Variants in WWOX observed in about 807,000 individuals in gnomAD.
WWOX encodes the protein WW domain-containing oxidoreductase.
In WWOX, 69 loss-of-function variants were observed where a neutral mutation model predicts 46.2. That is an observed-to-expected ratio of 1.49 (90% confidence interval 1.23 to 1.82). WWOX has a LOEUF of 1.82. Ranked by LOEUF, WWOX falls within the 40% of genes most tolerant of loss-of-function variation. The probability of loss-of-function intolerance (pLI) is 0.00; values close to 1 mark genes in which losing one functional copy is unlikely to be tolerated. For synonymous variants in WWOX, 359 were observed against 202.6 expected (o/e 1.77, Z -6.56); for missense variants, 919 against 542.6 (o/e 1.69, Z -6.89).
chr16:79,057,605 T>A (rs1172695868), intron 8 of WWOX, among the ~76,000 whole-genome samples: 1 of 151,972 alleles, frequency 6.6e-6, no homozygotes, highest in Non-Finnish European at 1.5e-5. Flanking sequence ...CCAGTGTGAG[T>A]CCTTTGATCC....
At chr16:78,267,199 A>G (rs1021702227) in intron 5 of WWOX, 1 of 152,262 alleles carries the variant, frequency 6.6e-6, no homozygotes, top group Admixed American at 6.5e-5. Flanking sequence ...GTGAAAATGA[A>G]CTAATACACA....
chr16:78,152,042 T>C (rs1369199173), intron 4 of WWOX, among the ~76,000 whole-genome samples: 2 of 152,028 alleles, frequency 1.3e-5, no homozygotes, highest in African/African-American at 2.4e-5. Flanking sequence ...TACAAAAAAT[T>C]AGCCGGGTGT....
intron 8 of WWOX, among the ~76,000 whole-genome samples, chr16:78,810,391 A>G (rs991348603): frequency 6.6e-6 from 1 of 152,198 alleles, no homozygotes; most frequent in Admixed American, 6.5e-5. Context: ...ACTTGTTTTT[A>G]ACATTTGAGA....
chr16:78,468,318 T>C (rs2084132355), intron 8 of WWOX, among the ~76,000 whole-genome samples: 1 of 151,448 alleles, frequency 6.6e-6, no homozygotes, highest in Admixed American at 6.6e-5. Flanking sequence ...TACTCCAGAC[T>C]GTGAGGCCCC....
At chr16:78,643,501 C>G (rs1343485838) in intron 8 of WWOX, among the ~76,000 whole-genome samples, 2 of 152,120 alleles carry the variant, frequency 1.3e-5, no homozygotes. Flanking sequence ...TCTAACATGT[C>G]CAGCTTTAAA....
At chr16:78,301,457 T>G (rs986811489) in intron 5 of WWOX, among the ~76,000 whole-genome samples, 1 of 152,242 alleles carries the variant, frequency 6.6e-6, no homozygotes, top group Admixed American at 6.5e-5. Flanking sequence ...ACTTATTGTT[T>G]TGTACATTTT....
chr16:78,756,850 G>T (rs1480546745), intron 8 of WWOX: 2 of 698,140 alleles, frequency 2.9e-6, no homozygotes, highest in Non-Finnish European at 5.2e-6. Context: ...AATCGATAGG[G>T]TATTGCAGAC....
At chr16:78,617,752 G>C (rs77283896) in intron 8 of WWOX, among the ~76,000 whole-genome samples, 2 of 152,080 alleles carry the variant, frequency 1.3e-5, no homozygotes, top group East Asian at 1.9e-4. Flanking sequence ...GTGCCATCTT[G>C]GGCATCTCAC....
At chr16:78,937,745 C>G (rs1289048000) in intron 8 of WWOX, among the ~76,000 whole-genome samples, 4 of 151,958 alleles carry the variant, frequency 2.6e-5, no homozygotes, top group Admixed American at 1.3e-4. Flanking sequence ...CTGCCTCAGC[C>G]TCCTGAGTAG....
rs190077725 is a variant in WWOX, at chr16:78,755,939, C to G, written c.1056+323187C>G. Among the ~76,000 whole-genome samples the G allele has an allele frequency of 1.1e-4, 17 of 152,128 alleles. No individual in the cohort carries two copies. In the East Asian group the frequency reaches 3.1e-3, roughly 28 times the overall value. On this transcript the variant is annotated intron_variant, in intron 8 of 8. Transcript: ENST00000566780. ...ACGCTATGATGAGAAGAACATATGC[C>G]AAGGAGACAGTTTTCTGGCAAATCA...
intron 8 of WWOX, among the ~76,000 whole-genome samples, chr16:78,812,867 C>G (rs1404998756): frequency 2.0e-5 from 3 of 152,160 alleles, no homozygotes; most frequent in African/African-American, 7.2e-5. Context: ...GTCTTATTTT[C>G]TATCATTTCA....
chr16:78,933,453 CA>C (rs148253774), intron 8 of WWOX, among the ~76,000 whole-genome samples: 6,769 of 152,020 alleles, frequency 0.045, 473 homozygotes, highest in African/African-American at 0.15. Context: ...AACAAACAAA[CA>C]AAAAAAGTCA....
At chr16:79,160,392 TCC>T (rs2050462099) in intron 8 of WWOX, among the ~76,000 whole-genome samples, 1 of 151,990 alleles carries the variant, frequency 6.6e-6, no homozygotes, top group Non-Finnish European at 1.5e-5. Flanking sequence ...TCACCTGCAT[TCC>T]CCTAGACAAA....
At chr16:78,702,590 G>T (rs1213419652) in intron 8 of WWOX, among the ~76,000 whole-genome samples, 1 of 151,846 alleles carries the variant, frequency 6.6e-6, no homozygotes, top group Non-Finnish European at 1.5e-5. Flanking sequence ...GGGAGGTGGA[G>T]GTTGTAGTGA....
intron 8 of WWOX, among the ~76,000 whole-genome samples, chr16:78,682,428 C>T (rs1254663601): frequency 2.0e-5 from 3 of 152,204 alleles, no homozygotes; most frequent in Non-Finnish European, 2.9e-5. Flanking sequence ...AATTATTTTT[C>T]CTTTAGCCGG....
At chr16:78,393,523 G>A (rs901848883) in intron 6 of WWOX, among the ~76,000 whole-genome samples, 18 of 152,102 alleles carry the variant, frequency 1.2e-4, no homozygotes, top group Non-Finnish European at 2.4e-4. Context: ...AAAACGGTTT[G>A]TAGGTCCTTA....
intron 8 of WWOX, among the ~76,000 whole-genome samples, chr16:78,964,222 G>T (rs920134559): frequency 6.6e-6 from 1 of 152,206 alleles, no homozygotes; most frequent in Non-Finnish European, 1.5e-5. Flanking sequence ...GAACCGTTGG[G>T]AGGTCTCAGA....
intron 8 of WWOX, among the ~76,000 whole-genome samples, chr16:78,910,368 G>C (rs1397802658): frequency 1.3e-5 from 2 of 152,006 alleles, no homozygotes; most frequent in Non-Finnish European, 2.9e-5. Context: ...TTCTGGACTT[G>C]TAGTATGTGC....
At chr16:78,579,518 G>A (rs553574623) in intron 8 of WWOX, among the ~76,000 whole-genome samples, 3 of 152,232 alleles carry the variant, frequency 2.0e-5, no homozygotes, top group South Asian at 2.1e-4. Context: ...GATGAGGCTG[G>A]CGAGAGAGAA....
Sources: gnomAD v4.1 joint callset for allele counts (sites outside exome capture counted in the v4.1 genomes callset) on GRCh38, gnomAD v4.1.1 for gene constraint, MANE v1.5 for transcripts, NCBI Gene and HGNC (gene_info 2026-07-23, HGNC 2026-07-21) for gene names.